SCN3A: variants seen among roughly 807,000 people sequenced by gnomAD.
SCN3A encodes sodium channel protein type 3 subunit alpha.
SCN3A carries 60 observed loss-of-function variants against 187.6 expected under a neutral mutation model. The observed-to-expected ratio is 0.32, with a 90% CI of 0.26 to 0.40. The LOEUF (loss-of-function observed/expected upper bound fraction) is 0.40. Among genes scored for constraint, SCN3A ranks in the 10% least tolerant of loss-of-function variants. The probability of loss-of-function intolerance (pLI) is 1.00; values close to 1 mark genes in which losing one functional copy is unlikely to be tolerated. For missense variants in SCN3A, 1,601 were observed against 2,428.2 expected (o/e 0.66, Z 7.16); for synonymous variants, 788 against 829.2 (o/e 0.95, Z 0.85).
intron 21 of SCN3A, among the ~76,000 whole-genome samples, chr2:165,101,363 A>G (rs1483702116): frequency 6.6e-6 from 1 of 152,202 alleles, no homozygotes; most frequent in Non-Finnish European, 1.5e-5. Context: ...CAATATAATA[A>G]CATGTCTTCA....
intron 25 of SCN3A, among the ~76,000 whole-genome samples, chr2:165,095,273 T>C (rs552639107): frequency 6.6e-6 from 1 of 152,130 alleles, no homozygotes; most frequent in African/African-American, 2.4e-5. Flanking sequence ...TGGAGACCCG[T>C]TGGATGGGTC....
intron 1 of SCN3A, among the ~76,000 whole-genome samples, chr2:165,203,125 A>G (rs1325218491): frequency 2.6e-5 from 4 of 151,970 alleles, no homozygotes; most frequent in Non-Finnish European, 5.9e-5. Context: ...TCAAGCTTAT[A>G]GAACAATTAA....
intron 1 of SCN3A, among the ~76,000 whole-genome samples, chr2:165,202,887 A>G (rs1352905673): frequency 6.6e-6 from 1 of 152,024 alleles, no homozygotes; most frequent in Non-Finnish European, 1.5e-5. Context: ...TTTAAAACTT[A>G]TCTTTCAATT....
chr2:165,201,643 G>A (rs1242209313), intron 1 of SCN3A, among the ~76,000 whole-genome samples: 1 of 151,986 alleles, frequency 6.6e-6, no homozygotes, highest in Non-Finnish European at 1.5e-5. Flanking sequence ...TAACTTGTCA[G>A]GTAATAGTGG....
At chr2:165,169,515 G>A (rs951058524) in intron 4 of SCN3A, among the ~76,000 whole-genome samples, 35 of 151,816 alleles carry the variant, frequency 2.3e-4, no homozygotes, top group African/African-American at 7.2e-4. Context: ...GCTGTAGTAC[G>A]TTCTCTTGGG....
chr2:165,181,371 C>A (rs1374239733), intron 2 of SCN3A, among the ~76,000 whole-genome samples: 1 of 152,076 alleles, frequency 6.6e-6, no homozygotes, highest in Non-Finnish European at 1.5e-5. Context: ...TTATCTTGTC[C>A]TTTGAATAAG....
intron 15 of SCN3A, among the ~76,000 whole-genome samples, 190 bp downstream of exon 15, chr2:165,137,689 C>T (rs140102942): frequency 6.6e-6 from 1 of 152,274 alleles, no homozygotes; most frequent in African/African-American, 2.4e-5. Context: ...TTGGCCTAAA[C>T]AATCAGCATT....
intron 21 of SCN3A, among the ~76,000 whole-genome samples, chr2:165,109,062 C>A (rs1219882747): frequency 6.6e-6 from 1 of 152,086 alleles, no homozygotes; most frequent in Non-Finnish European, 1.5e-5. Flanking sequence ...TTCACTGTAG[C>A]CTTTGATAAA....
chr2:165,128,457 C>T (rs899536842), intron 17 of SCN3A, among the ~76,000 whole-genome samples: 31 of 151,952 alleles, frequency 2.0e-4, no homozygotes, highest in African/African-American at 7.2e-4. Context: ...GAGAAAGATA[C>T]TTTCTTCTTA....
chr2:165,177,880 C>A (rs138288201), intron 2 of SCN3A, among the ~76,000 whole-genome samples: 1 of 151,916 alleles, frequency 6.6e-6, no homozygotes, highest in East Asian at 1.9e-4. Context: ...CAATGACAAA[C>A]CAAATAAAAT....
intron 17 of SCN3A, among the ~76,000 whole-genome samples, chr2:165,129,067 A>G (rs1186298037): frequency 6.6e-6 from 1 of 152,178 alleles, no homozygotes; most frequent in Admixed American, 6.6e-5. Context: ...TTTTTTCAGA[A>G]TCTAGAGCTC....
intron 11 of SCN3A, among the ~76,000 whole-genome samples, chr2:165,152,050 A>G (rs1021682796): frequency 1.3e-5 from 2 of 152,198 alleles, no homozygotes; most frequent in African/African-American, 4.8e-5. Flanking sequence ...TGTAAACAAC[A>G]TAACTATGTC....
At chr2:165,130,753 A>G (rs1687266039) in intron 16 of SCN3A, among the ~76,000 whole-genome samples, 1 of 152,130 alleles carries the variant, frequency 6.6e-6, no homozygotes, top group Non-Finnish European at 1.5e-5. Flanking sequence ...AAAAATACAC[A>G]TTTTGCTTAA....
Position 165,176,279 on chromosome 2 carries a change from T to A in SCN3A, c.116A>T (p.Lys39Met). 1 of 1,614,082 alleles carries A rather than the reference T, an allele frequency of 6.2e-7. No homozygotes were observed. The highest frequency in any genetic ancestry group is 1.7e-5 in the Admixed American group (1 of 60,016). ...AAEEKAKKPK[K>M]EQDNDDENKP... ...GTTCTCATCATCATTATCTTGTTCC[T>A]TTTTGGGCTTCTTGGCTTTCTCTTC... Residue 39 changes from lysine (K) to methionine (M), a missense_variant, in exon 3 of 28, where the codon AAG (lysine) becomes ATG (methionine). Coordinates refer to ENST00000283254, the MANE Select transcript of SCN3A (RefSeq NM_006922.4).
At chr2:165,156,317 T>C (rs969798006) in intron 9 of SCN3A, among the ~76,000 whole-genome samples, 8 of 150,954 alleles carry the variant, frequency 5.3e-5, no homozygotes, top group East Asian at 3.9e-4. Flanking sequence ...CTATCCTGGC[T>C]AACACAGTGA....
chr2:165,153,892 C>T (rs1393976048), intron 11 of SCN3A, among the ~76,000 whole-genome samples: 1 of 151,590 alleles, frequency 6.6e-6, no homozygotes, highest in Non-Finnish European at 1.5e-5. Flanking sequence ...TTCACTATAC[C>T]CCTAGCTCAC....
chr2:165,152,398 C>T (rs182002982), intron 11 of SCN3A, among the ~76,000 whole-genome samples: 21 of 152,134 alleles, frequency 1.4e-4, no homozygotes, highest in Non-Finnish European at 2.4e-4. Flanking sequence ...ATGAAATTAG[C>T]GGCAGATTAA....
At chr2:165,153,235 A>T (rs1318258800) in intron 11 of SCN3A, among the ~76,000 whole-genome samples, 1 of 152,168 alleles carries the variant, frequency 6.6e-6, no homozygotes, top group Non-Finnish European at 1.5e-5. Flanking sequence ...GAATAATTAG[A>T]TACTCATTTT....
intron 6 of SCN3A, 69 bp from the exon 7 acceptor site, chr2:165,163,778 T>C (rs563404693): frequency 6.2e-7 from 1 of 1,612,948 alleles, no homozygotes; most frequent in Non-Finnish European, 8.5e-7. Flanking sequence ...AGGGGCCTAC[T>C]ACCTTACACC....
Sources: allele counts gnomAD v4.1 joint callset (sites outside exome capture counted in the v4.1 genomes callset), GRCh38; gene constraint gnomAD v4.1.1; transcripts MANE v1.5; gene names NCBI Gene and HGNC (gene_info 2026-07-23, HGNC 2026-07-21).